The following DMD variants were observed in gnomAD, a reference collection of about 807,000 sequenced individuals.
The protein encoded by DMD is dystrophin, also known as mutant dystrophin.
A neutral mutation model predicts 330.1 loss-of-function variants in DMD; 63 were observed. That is an observed-to-expected ratio of 0.19 (90% CI 0.16 to 0.24). DMD has a LOEUF of 0.24. DMD is among the 10% of genes least tolerant of loss of function. DMD has a pLI of 1.00. For missense variants in DMD, 3,344 were observed against 2,684.1 expected, an observed-to-expected ratio of 1.25 and a Z score of -5.43; for synonymous variants, 1,223 against 959.8, an observed-to-expected ratio of 1.27 and a Z score of -5.07.
At chrX:32,735,339 C>G (rs1188118853) in intron 7 of DMD, among the ~76,000 whole-genome samples, 2 of 110,339 alleles carry the variant, frequency 1.8e-5, no homozygotes, top group Admixed American at 9.6e-5. Flanking sequence ...GGCCATACTG[C>G]CCAAGGTAAT....
At chrX:33,190,992 ATAATATATAATATTAT>A (rs1569558018) in intron 1 of DMD, among the ~76,000 whole-genome samples, 44 of 2,241 alleles carry the variant, frequency 0.02, 8 homozygotes, top group South Asian at 0.053. Flanking sequence ...ATATATATAT[ATAATATATAATATTAT>A]ATATATATAT....
chrX:31,870,363 A>T (rs1470198248), intron 48 of DMD, among the ~76,000 whole-genome samples: 3 of 112,012 alleles, frequency 2.7e-5, no homozygotes, highest in Non-Finnish European at 5.6e-5. Context: ...ATATAGAATC[A>T]TCAAAAAAGA....
intron 60 of DMD, among the ~76,000 whole-genome samples, chrX:31,418,742 G>A (rs747049803): frequency 8.9e-6 from 1 of 112,132 alleles, no homozygotes; most frequent in African/African-American, 3.2e-5. Context: ...TCATTGAGAT[G>A]TAACTCTTAT....
intron 1 of DMD, among the ~76,000 whole-genome samples, chrX:33,164,822 C>T (rs1447646839): frequency 1.8e-5 from 2 of 110,840 alleles, no homozygotes; most frequent in African/African-American, 6.5e-5. Context: ...CACTCTCCTA[C>T]AGAGGCCAGA....
rs753427060 is a variant in DMD at position 31,451,577 on chromosome X, G to A, written c.8938-6950C>T. On this transcript the variant is annotated intron_variant, in intron 59 of 78. Transcript: ENST00000357033. Reference sequence around the variant, plus strand: ...GATTACAGGCCTGAGCCACCGTGCCGGGCCTGCAGGAGACTTCTTAAGTGA... The same window carrying A: ...GATTACAGGCCTGAGCCACCGTGCCAGGCCTGCAGGAGACTTCTTAAGTGA... 7.3e-5 allele frequency among the ~76,000 whole-genome samples: 8 copies of A among 109,969 alleles called. No homozygotes were observed. The East Asian group carries it at 1.4e-3, about 20-fold the overall frequency.
intron 25 of DMD, among the ~76,000 whole-genome samples, chrX:32,460,361 T>C (rs1401264650): frequency 9.1e-6 from 1 of 109,992 alleles, no homozygotes; most frequent in Non-Finnish European, 1.9e-5. Context: ...TTTTCCTGCC[T>C]GTTTTTTTTT....
intron 62 of DMD, among the ~76,000 whole-genome samples, chrX:31,282,849 A>G (rs1314667947): frequency 3.6e-5 from 4 of 111,907 alleles, no homozygotes; most frequent in Admixed American, 9.5e-5. Context: ...TGTTCTTTGA[A>G]CCAAGTGGAG....
At chrX:31,406,424 A>G (rs1391261383) in intron 60 of DMD, among the ~76,000 whole-genome samples, 1 of 111,387 alleles carries the variant, frequency 9.0e-6, no homozygotes, top group African/African-American at 3.3e-5. Context: ...TAGAAAAGTA[A>G]TATTATTAAT....
rs757989996 is a variant in DMD, at chrX:31,478,367, A to G, written c.8676T>C (p.Pro2892=). 7 of 1,209,880 alleles carry G rather than the reference A, an allele frequency of 5.8e-6. No homozygotes were observed. In the Admixed American group the frequency reaches 1.1e-4, roughly 19 times the overall value. Residue 2892 remains proline, a synonymous_variant, in exon 59 of 79, where the codon CCT becomes CCC. Transcript: ENST00000357033. ...EKLYQEPREL[P]PEERAQNVTR... is the part of the protein sequence containing the mutation. ...TGACATTCTGGGCTCTCTCCTCAGGAGGCAGCTCTAAATTGGCAATATGAC... is the reference window on the plus strand; with the variant it reads ...TGACATTCTGGGCTCTCTCCTCAGGGGGCAGCTCTAAATTGGCAATATGAC...
chrX:31,223,000 A>G, intron 64 of DMD, 47 bp downstream of exon 64: 5 of 1,124,551 alleles, frequency 4.4e-6, no homozygotes, highest in Non-Finnish European at 6.1e-6. Context: ...TTTTTATTCT[A>G]AGCAAAGACA....
chrX:32,687,942 G>A (rs1000337034), intron 9 of DMD, among the ~76,000 whole-genome samples: 1 of 110,468 alleles, frequency 9.1e-6, no homozygotes, highest in Non-Finnish European at 1.9e-5. Flanking sequence ...CTTCCATAAA[G>A]ACTTGATTTG....
chrX:31,802,199 T>C (rs1241748188), intron 50 of DMD, among the ~76,000 whole-genome samples: 1 of 110,112 alleles, frequency 9.1e-6, no homozygotes, highest in Non-Finnish European at 1.9e-5. Flanking sequence ...TTGAGATAAA[T>C]GGTAAGGTAC....
At chrX:31,655,952 C>T (rs1278460394) in intron 54 of DMD, among the ~76,000 whole-genome samples, 1 of 112,104 alleles carries the variant, frequency 8.9e-6, no homozygotes, top group Admixed American at 9.5e-5. Context: ...ATGAGTTTAG[C>T]TTTGGACCTC....
intron 2 of DMD, among the ~76,000 whole-genome samples, chrX:32,928,057 C>T (rs1478961049): frequency 9.1e-6 from 1 of 109,959 alleles, no homozygotes; most frequent in Non-Finnish European, 1.9e-5. Context: ...GAAATTGATG[C>T]CATTAATTTT....
chrX:32,293,764 C>A (rs770794839), intron 42 of DMD, among the ~76,000 whole-genome samples: 1 of 111,265 alleles, frequency 9.0e-6, no homozygotes, highest in Non-Finnish European at 1.9e-5. Flanking sequence ...CATTCATATC[C>A]CAAATCTCAG....
chrX:31,373,482 A>C (rs1255127902), intron 60 of DMD, among the ~76,000 whole-genome samples: 1 of 102,922 alleles, frequency 9.7e-6, no homozygotes, highest in Non-Finnish European at 2.0e-5. Context: ...ACATAGATCA[A>C]TGGAACAGAA....
chrX:32,928,087 TA>T (rs1460521733), intron 2 of DMD, among the ~76,000 whole-genome samples: 2 of 111,216 alleles, frequency 1.8e-5, no homozygotes, highest in East Asian at 5.6e-4. Context: ...AAATATTAAA[TA>T]TTTTTATATT....
At chrX:32,506,608 G>T (rs902461324) in intron 18 of DMD, among the ~76,000 whole-genome samples, 1 of 111,334 alleles carries the variant, frequency 9.0e-6, no homozygotes, top group Non-Finnish European at 1.9e-5. Flanking sequence ...TTTACATGGT[G>T]CTCTGAAGGG....
intron 9 of DMD, among the ~76,000 whole-genome samples, chrX:32,658,402 A>G (rs1476879032): frequency 2.7e-5 from 3 of 111,285 alleles, no homozygotes; most frequent in South Asian, 3.8e-4. Context: ...GCAGACCACT[A>G]AAGACCAGAT....
Sources: gnomAD v4.1 joint callset for allele counts (sites outside exome capture counted in the v4.1 genomes callset) on GRCh38, gnomAD v4.1.1 for gene constraint, MANE v1.5 for transcripts, NCBI Gene and HGNC (gene_info 2026-07-23, HGNC 2026-07-21) for gene names.